TOX2: variants seen among roughly 807,000 people sequenced by gnomAD.
The protein encoded by TOX2 is granulosa cell HMG box 1.
TOX2 carries 15 observed loss-of-function variants against 47.4 expected under a neutral mutation model. The observed-to-expected ratio is 0.32, with a 90% CI of 0.21 to 0.49. The LOEUF is 0.49. TOX2 is among the 20% of genes least tolerant of loss of function. The pLI is 0.99. For synonymous variants in TOX2, 290 were observed against 296.6 expected (o/e 0.98, Z 0.23); for missense variants, 622 against 673.1 (o/e 0.92, Z 0.84).
intron 3 of TOX2, among the ~76,000 whole-genome samples, chr20:44,048,915 T>C (rs2071461578): frequency 6.6e-6 from 1 of 152,218 alleles, no homozygotes; most frequent in African/African-American, 2.4e-5. Context: ...GGTGGGCAGA[T>C]CACTTGAGGT....
intron 3 of TOX2, among the ~76,000 whole-genome samples, chr20:44,020,355 G>T (rs1183840277): frequency 6.6e-6 from 1 of 152,302 alleles, no homozygotes; most frequent in African/African-American, 2.4e-5. Context: ...TGCATGCGGG[G>T]CTCAAAACCT....
At chr20:43,995,593 A>T (rs4365524) in intron 2 of TOX2, among the ~76,000 whole-genome samples, 116,583 of 152,074 alleles carry the variant, frequency 0.77, 45,277 homozygotes, top group African/African-American at 0.91. Context: ...TGGGGATTTG[A>T]TGTACGGATT....
intron 2 of TOX2, among the ~76,000 whole-genome samples, chr20:43,990,993 G>A (rs2070358452): frequency 6.6e-6 from 1 of 152,170 alleles, no homozygotes; most frequent in African/African-American, 2.4e-5. Flanking sequence ...CATTTTTGCT[G>A]CTTTTAAAAT....
intron 3 of TOX2, among the ~76,000 whole-genome samples, chr20:44,020,298 G>A (rs1056724312): frequency 2.6e-5 from 4 of 152,208 alleles, no homozygotes; most frequent in Non-Finnish European, 4.4e-5. Context: ...AACTTCCTAC[G>A]TAAGACGGCC....
In TOX2 at chr20:44,065,986, C is replaced by T; in HGVS notation, c.1235C>T (p.Ala412Val). ...CAGCAGCTGTCACTGCCCCCTCACG[C>T]CCAGGGCGCCCTCCTCAGTCCACCT... ...LHQQLSLPPHAQGALLSPPVS... is the reference protein window; with the variant it reads ...LHQQLSLPPHVQGALLSPPVS... Residue 412 changes from alanine to valine, a missense_variant, in exon 7 of 9, where the codon GCC becomes GTC. Around this residue, in one of 3 missense-constraint regions of TOX2, gnomAD observed 294 missense variants for 300.0 expected, o/e 0.98. Coordinates refer to ENST00000341197, the MANE Select transcript of TOX2 (RefSeq NM_001098797.2). 6.2e-7 allele frequency: 1 copy of T among 1,613,146 alleles called. No individual in the cohort carries two copies. The highest frequency in any genetic ancestry group is 8.5e-7 in the Non-Finnish European group (1 of 1,179,852).
At chr20:43,993,503 C>A (rs771027834) in intron 2 of TOX2, among the ~76,000 whole-genome samples, 4 of 151,928 alleles carry the variant, frequency 2.6e-5, no homozygotes, top group Non-Finnish European at 5.9e-5. Context: ...TCCCAGGTAC[C>A]CAGCTTGAGC....
chr20:44,000,892 C>G (rs767118341), intron 2 of TOX2, among the ~76,000 whole-genome samples: 3 of 151,946 alleles, frequency 2.0e-5, no homozygotes, highest in Non-Finnish European at 4.4e-5. Context: ...ATATCAAATT[C>G]CACTGATAAG....
At chr20:43,928,994 A>AC (rs1569005064) in intron 1 of TOX2, among the ~76,000 whole-genome samples, 22 of 149,208 alleles carry the variant, frequency 1.5e-4, no homozygotes, top group African/African-American at 5.6e-4. Flanking sequence ...AAAAAAAAAA[A>AC]AAAAACAACA....
intron 1 of TOX2, among the ~76,000 whole-genome samples, chr20:43,965,356 T>A (rs569526399): frequency 6.6e-6 from 1 of 152,214 alleles, no homozygotes; most frequent in Non-Finnish European, 1.5e-5. Context: ...CCTTTGTAGA[T>A]TTGGAGAATA....
intron 2 of TOX2, among the ~76,000 whole-genome samples, chr20:44,004,799 A>G (rs1187485937): frequency 3.9e-5 from 6 of 152,228 alleles, no homozygotes; most frequent in Non-Finnish European, 8.8e-5. Flanking sequence ...GCACTTAAAC[A>G]ATACAATGAT....
At chr20:44,062,380 A>AAATAAAT (rs1301232852) in intron 5 of TOX2, among the ~76,000 whole-genome samples, 97 of 146,092 alleles carry the variant, frequency 6.6e-4, no homozygotes, top group Admixed American at 1.4e-3. Flanking sequence ...ATAAATAAAT[A>AAATAAAT]AATAAATAAA....
At chr20:43,974,898 A>T (rs1213257380) in intron 2 of TOX2, among the ~76,000 whole-genome samples, 1 of 152,226 alleles carries the variant, frequency 6.6e-6, no homozygotes, top group Non-Finnish European at 1.5e-5. Context: ...TCCCTGTGTG[A>T]GCATAATGCT....
intron 3 of TOX2, among the ~76,000 whole-genome samples, chr20:44,036,569 C>T (rs1183221281): frequency 1.3e-5 from 2 of 152,246 alleles, no homozygotes; most frequent in African/African-American, 4.8e-5. Flanking sequence ...AACATTTCTA[C>T]CATCGCTTCT....
chr20:44,023,602 C>A (rs2071012568), intron 3 of TOX2, among the ~76,000 whole-genome samples: 1 of 152,172 alleles, frequency 6.6e-6, no homozygotes, highest in Non-Finnish European at 1.5e-5. Flanking sequence ...GCACACCTTC[C>A]CCAAATGGAC....
At chr20:43,971,224 T>TA (rs1478874739) in intron 1 of TOX2, among the ~76,000 whole-genome samples, 1 of 152,152 alleles carries the variant, frequency 6.6e-6, no homozygotes, top group Non-Finnish European at 1.5e-5. Context: ...GACATCAAGG[T>TA]ACAGATAGAC....
Position 44,068,960 on chromosome 20 carries a change from C to A in TOX2, c.*274C>A, listed in dbSNP as rs1363536609. On this transcript the variant is annotated 3_prime_UTR_variant, in exon 9 of 9. Transcript: ENST00000341197. ...AACTGTGGACCCTGTCCTCGCCCTG[C>A]GCACGGTACCCTATGTCTGGACACC... The A allele has an allele frequency of 1.7e-6, 1 of 603,888 alleles. No homozygotes were observed. The highest frequency in any genetic ancestry group is 3.1e-6 in the Non-Finnish European group (1 of 319,248). The allele number at this position is 603,888 out of a possible 1,614,324, so 37.4% of individuals were successfully genotyped here. A position where few individuals can be genotyped will look rare whatever the true frequency, so the allele number is the denominator to read the frequency against.
At chr20:43,990,431 A>G (rs971671812) in intron 2 of TOX2, among the ~76,000 whole-genome samples, 1 of 152,200 alleles carries the variant, frequency 6.6e-6, no homozygotes. Flanking sequence ...CACGGGGTCC[A>G]GGCTGCAAGA....
chr20:43,981,834 T>C (rs921007994), intron 2 of TOX2, among the ~76,000 whole-genome samples: 6 of 152,124 alleles, frequency 3.9e-5, no homozygotes, highest in African/African-American at 1.2e-4. Flanking sequence ...GGTGAGGACA[T>C]GTAAACAGTA....
At chr20:43,955,714 G>A (rs1250832529) in intron 1 of TOX2, among the ~76,000 whole-genome samples, 3 of 152,062 alleles carry the variant, frequency 2.0e-5, no homozygotes, top group Non-Finnish European at 2.9e-5. Flanking sequence ...TTTTATTCTG[G>A]CTCCAAACCT....
Sources: gnomAD v4.1 joint callset for allele counts (sites outside exome capture counted in the v4.1 genomes callset) on GRCh38, gnomAD v4.1.1 for gene constraint, gnomAD v4.1.1 regional missense constraint, MANE v1.5 for transcripts, NCBI Gene and HGNC (gene_info 2026-07-23, HGNC 2026-07-21) for gene names.